The following BCL2L13 variants were observed in gnomAD, a reference collection of about 807,000 sequenced individuals.
The protein encoded by BCL2L13 is bcl-2-like protein 13.
In BCL2L13, 13 loss-of-function variants were observed where a neutral mutation model predicts 25.8. That is an observed-to-expected ratio of 0.50 (90% CI 0.33 to 0.80). BCL2L13 has a LOEUF of 0.80. BCL2L13 is among the 30% of genes least tolerant of loss of function. BCL2L13 has a pLI of 0.02. For synonymous variants in BCL2L13, 244 were observed against 230.3 expected (o/e 1.06, Z -0.54); for missense variants, 504 against 574.9 (o/e 0.88, Z 1.26).
intron 1 of BCL2L13, among the ~76,000 whole-genome samples, chr22:17,640,894 AT>A (rs34223187): frequency 0.43 from 49,120 of 113,000 alleles, 8,837 homozygotes; most frequent in African/African-American, 0.54. Context: ...ATATATATAT[AT>A]ATATTTTTTT....
At position 17,662,690 on chromosome 22, in the gene BCL2L13, G is replaced by A. The variant is rs1375597299; in HGVS notation, c.121+6858G>A. On this transcript the variant is annotated intron_variant, in intron 2 of 6. Transcript: ENST00000317582. ...ATAAATTAGCTGGGTATGGTAGTGC[G>A]CACCCATAATCCCAGCTACTCAGGA... Among the ~76,000 whole-genome samples the A allele has an allele frequency of 2.6e-5, 4 of 151,692 alleles. No homozygotes were observed. The South Asian group carries it at 6.2e-4, about 24-fold the overall frequency.
intron 1 of BCL2L13, among the ~76,000 whole-genome samples, chr22:17,650,867 C>T (rs926194779): frequency 6.6e-6 from 1 of 151,952 alleles, no homozygotes; most frequent in African/African-American, 2.4e-5. Context: ...GCCACCATGC[C>T]CAGTTAATTT....
Position 17,726,730 on chromosome 22 carries a change from A to G in BCL2L13, c.654A>G (p.Ala218=), listed in dbSNP as rs73378798. The G allele has an allele frequency of 1.5e-3, 2,461 of 1,614,164 alleles. 12 individuals carry two copies. Among genetic ancestry groups the G allele is most frequent in the African/African-American group, 0.015 (1,113 of 75,044 alleles). The part of the protein sequence containing the change: ...SEEEEYPGIT[A]EDSNDIYILP... ...AGGAGGAATACCCTGGAATCACTGC[A>G]GAAGATAGCAATGACATTTACATCC... The change falls in exon 7 of 7, where the codon GCA becomes GCG. Residue 218 remains alanine (A), a synonymous_variant. Coordinates refer to ENST00000317582, the MANE Select transcript of BCL2L13 (RefSeq NM_015367.4).
At chr22:17,639,687 C>G (rs566568124) in intron 1 of BCL2L13, among the ~76,000 whole-genome samples, 1 of 152,276 alleles carries the variant, frequency 6.6e-6, no homozygotes, top group South Asian at 2.1e-4. Context: ...GCTGAGAGCC[C>G]TCCCTCCTTA....
In BCL2L13 at chr22:17,693,365, AGTG is replaced by A. The variant is rs1415971524; in HGVS notation, c.387-2775_387-2773del. 7.2e-3 allele frequency among the ~76,000 whole-genome samples: 587 copies of A among 81,504 alleles called. 5 individuals are homozygous for A. The highest frequency in any genetic ancestry group is 0.013 in the African/African-American group (283 of 21,720). 53.5% of individuals were successfully genotyped at this position (81,504 alleles called of 152,430 possible). ...TATTTATTTATTTATTTATTTATTT[AGTG>A]TTTGTTTTTTTTTTTTTTTTTTTTT... On this transcript the variant is annotated intron_variant, in intron 4 of 6. Transcript: ENST00000317582.
chr22:17,665,893 T>A (rs1285308505), intron 2 of BCL2L13, among the ~76,000 whole-genome samples: 1 of 152,214 alleles, frequency 6.6e-6, no homozygotes, highest in African/African-American at 2.4e-5. Context: ...ACATCTCAGT[T>A]CCTTCCAAAT....
chr22:17,655,169 C>T (rs2058813978), intron 1 of BCL2L13, among the ~76,000 whole-genome samples: 1 of 151,940 alleles, frequency 6.6e-6, no homozygotes, highest in Non-Finnish European at 1.5e-5. Context: ...ATATCACTGT[C>T]TTCTACCTCC....
At chr22:17,647,195 C>T (rs1257827445) in intron 1 of BCL2L13, among the ~76,000 whole-genome samples, 2 of 151,580 alleles carry the variant, frequency 1.3e-5, no homozygotes. Flanking sequence ...AGGCTGGTTT[C>T]GATCTCCTGA....
At chr22:17,703,443 T>A (rs2060499685) in intron 6 of BCL2L13, 1 of 152,230 alleles carries the variant, frequency 6.6e-6, no homozygotes, top group Non-Finnish European at 1.5e-5. Context: ...CTAAAAGTTG[T>A]AATTATTGAC....
intron 1 of BCL2L13, among the ~76,000 whole-genome samples, chr22:17,651,779 C>T (rs1168104085): frequency 6.6e-6 from 1 of 152,116 alleles, no homozygotes; most frequent in African/African-American, 2.4e-5. Flanking sequence ...CAAGCTCCGC[C>T]TCCCGGGTTC....
At chr22:17,717,380 C>CAAAAAAAAAAAAAAAAAAAAAAAAAAAAA (rs371314290) in intron 6 of BCL2L13, among the ~76,000 whole-genome samples, 8 of 126,252 alleles carry the variant, frequency 6.3e-5, no homozygotes, top group African/African-American at 1.8e-4. Flanking sequence ...GACTCTGTCT[C>CAAAAAAAAAAAAAAAAAAAAAAAAAAAAA]AAAAAAGATC....
chr22:17,646,891 TGTG>T (rs2058495826), intron 1 of BCL2L13, among the ~76,000 whole-genome samples: 1 of 3,500 alleles, frequency 2.9e-4, no homozygotes, highest in African/African-American at 1.6e-3. Flanking sequence ...AGCTAATTTG[TGTG>T]TGTGTGTGTG....
In BCL2L13 at chr22:17,722,378, GGTGT is replaced by G. The variant is rs71315401; in HGVS notation, c.601-4260_601-4257del. Reference sequence around the variant, plus strand: ...TGAGTTGAGTAGATGAGACTACAGGGGTGTGTGTGTGTGTGTGTGTGTGTGTGTG... The same window carrying G: ...TGAGTTGAGTAGATGAGACTACAGGGGTGTGTGTGTGTGTGTGTGTGTGTG... On this transcript the variant is annotated intron_variant, in intron 6 of 6. Coordinates refer to ENST00000317582, the MANE Select transcript of BCL2L13 (RefSeq NM_015367.4). Among the ~76,000 whole-genome samples the G allele has an allele frequency of 1.2e-3, 147 of 122,140 alleles. 1 individual carries two copies. The highest frequency in any genetic ancestry group is 7.7e-3 in the South Asian group (33 of 4,270). The allele number at this position is 122,140 out of a possible 152,430, so 80.1% of individuals were successfully genotyped here. A position where few individuals can be genotyped will look rare whatever the true frequency, so the allele number is the denominator to read the frequency against.
At chr22:17,700,789 T>C (rs1279395331) in intron 5 of BCL2L13, among the ~76,000 whole-genome samples, 1 of 152,238 alleles carries the variant, frequency 6.6e-6, no homozygotes, top group Non-Finnish European at 1.5e-5. Flanking sequence ...GAAGTAAAGA[T>C]ATTATGTGTT....
chr22:17,677,886 C>A lies in BCL2L13; in HGVS notation c.122-5328C>A, dbSNP rs142327913. Among the ~76,000 whole-genome samples, 204 of 151,264 alleles carry A rather than the reference C, an allele frequency of 1.3e-3. 3 individuals carry two copies. The East Asian group carries it at 0.031, about 23-fold the overall frequency. On this transcript the variant is annotated intron_variant, in intron 2 of 6. Transcript: ENST00000317582. The stretch of plus-strand genomic sequence containing the variant: ...CTGTCTCAAAAAAAAAACAAAAAAA[C>A]CCCACAAAAATTAGCTGGGCATGGT...
In BCL2L13 at chr22:17,715,141, TATATATATATATATATATATATA is replaced by T. The variant is rs1569007429; in HGVS notation, c.601-11535_601-11513del. On this transcript the variant is annotated intron_variant, in intron 6 of 6. Transcript: ENST00000317582. ...TTAATTTTATATATATATATATATA[TATATATATATATATATATATATA>T]TATATATTTTTTTTTTTTTTTTTTT... Among the ~76,000 whole-genome samples, 50 of 6,928 alleles carry T rather than the reference TATATATATATATATATATATATA, an allele frequency of 7.2e-3. 3 individuals are homozygous for T. Among genetic ancestry groups the T allele is most frequent in the South Asian group, 0.04 (12 of 302 alleles). The allele number at this position is 6,928 out of a possible 152,430, so 4.5% of individuals were successfully genotyped here.
intron 2 of BCL2L13, among the ~76,000 whole-genome samples, chr22:17,664,424 C>G (rs921774686): frequency 3.4e-5 from 5 of 147,640 alleles, no homozygotes; most frequent in African/African-American, 5.0e-5. Context: ...CACCCCCCCC[C>G]GGCTCCTTTC....
chr22:17,653,976 T>C lies in BCL2L13; in HGVS notation c.-50-1686T>C, dbSNP rs556434646. Among the ~76,000 whole-genome samples the C allele has an allele frequency of 4.4e-3, 670 of 152,280 alleles. 2 individuals are homozygous for C. Among genetic ancestry groups the C allele is most frequent in the African/African-American group, 0.015 (618 of 41,548 alleles). Reference sequence around the variant, plus strand: ...TGTTATAAGTATTTTTGGTTTCCTATGAAAACTCCTGAGGTCTGGTGATTT... The same window carrying C: ...TGTTATAAGTATTTTTGGTTTCCTACGAAAACTCCTGAGGTCTGGTGATTT... On this transcript the variant is annotated intron_variant, in intron 1 of 6. Transcript: ENST00000317582.
intron 1 of BCL2L13, among the ~76,000 whole-genome samples, chr22:17,646,947 ATATATATATTTTTTTTTTT>A (rs2058502787): frequency 8.3e-5 from 2 of 24,204 alleles, no homozygotes; most frequent in Admixed American, 5.8e-4. Context: ...ATATATATAT[ATATATATATTTTTTTTTTT>A]TTTTTTTTTT....
Sources: allele counts gnomAD v4.1 joint callset (sites outside exome capture counted in the v4.1 genomes callset), GRCh38; gene constraint gnomAD v4.1.1; transcripts MANE v1.5; gene names NCBI Gene and HGNC (gene_info 2026-07-23, HGNC 2026-07-21).